HIVEP1: variants seen among roughly 807,000 people sequenced by gnomAD.
HIVEP1 encodes HIVEP zinc finger 1, also known as zinc finger protein 40.
In HIVEP1, 36 loss-of-function variants were observed where a neutral mutation model predicts 180.0. The ratio of observed to expected loss-of-function variants is 0.20; its 90% confidence interval spans 0.15 to 0.26. The LOEUF (loss-of-function observed/expected upper bound fraction) is 0.26, where lower values mean the gene tolerates loss of function less well. HIVEP1 is among the 10% of genes least tolerant of loss of function. The probability of loss-of-function intolerance (pLI) is 1.00; values close to 1 mark genes in which losing one functional copy is unlikely to be tolerated. For missense variants in HIVEP1, 3,143 were observed against 3,268.7 expected (o/e 0.96, Z 0.94); for synonymous variants, 1,239 against 1,239.0 (o/e 1.00, Z 0.00).
At chr6:12,105,690 T>C (rs958991488) in intron 3 of HIVEP1, among the ~76,000 whole-genome samples, 1 of 152,200 alleles carries the variant, frequency 6.6e-6, no homozygotes, top group Non-Finnish European at 1.5e-5. Context: ...CTTTTTAAAA[T>C]GAAAATTACA....
chr6:12,024,939 G>A (rs9470760), intron 2 of HIVEP1, among the ~76,000 whole-genome samples: 3,767 of 152,286 alleles, frequency 0.025, 75 homozygotes, highest in Non-Finnish European at 0.038. Flanking sequence ...GTGGCAAGAG[G>A]GAGGTGGTTT....
chr6:12,138,569 C>T (rs898576257), intron 7 of HIVEP1, among the ~76,000 whole-genome samples: 1 of 152,148 alleles, frequency 6.6e-6, no homozygotes, highest in Admixed American at 6.5e-5. Context: ...GGCTCCTCCT[C>T]ACCTCCCCAG....
chr6:12,109,972 G>A (rs934726700), intron 3 of HIVEP1, among the ~76,000 whole-genome samples: 2 of 152,196 alleles, frequency 1.3e-5, no homozygotes, highest in Non-Finnish European at 2.9e-5. Context: ...GTATTACCAG[G>A]CATGAAAACA....
intron 2 of HIVEP1, among the ~76,000 whole-genome samples, chr6:12,031,660 C>T (rs765497327): frequency 2.0e-5 from 3 of 152,092 alleles, no homozygotes; most frequent in Non-Finnish European, 2.9e-5. Flanking sequence ...GGAACAGCCC[C>T]GGGCAAAAAA....
At chr6:12,144,929 A>G (rs1759277301) in intron 7 of HIVEP1, among the ~76,000 whole-genome samples, 1 of 152,256 alleles carries the variant, frequency 6.6e-6, no homozygotes, top group African/African-American at 2.4e-5. Flanking sequence ...GTGGGAGTGT[A>G]AACTAGTTCA....
In HIVEP1 at chr6:12,161,454, T is replaced by A; in HGVS notation, c.6503T>A (p.Phe2168Tyr). The part of the protein sequence containing the change: ...DTEESDEKQR[F>Y]SYERSGYDLE... ...TTTTTATTAGATGAAAAACAGAGATTCAGTTATGAGCGATCTGGATATGAT... is the reference window on the plus strand; with the variant it reads ...TTTTTATTAGATGAAAAACAGAGATACAGTTATGAGCGATCTGGATATGAT... Residue 2168 changes from phenylalanine (F) to tyrosine (Y), a missense_variant, in exon 8 of 9, where the codon TTC (phenylalanine) becomes TAC (tyrosine). Physicochemically the swap from Phe to Tyr is conservative, Grantham distance 22 (BLOSUM62 3). Around this residue, in one of 12 missense-constraint regions of HIVEP1, gnomAD observed 126 missense variants for 168.5 expected, o/e 0.75. Transcript: ENST00000379388. 6.2e-7 allele frequency: 1 copy of A among 1,610,180 alleles called. No homozygotes were observed. The highest frequency in any genetic ancestry group is 8.5e-7 in the Non-Finnish European group (1 of 1,176,890).
chr6:12,063,932 T>G lies in HIVEP1; in HGVS notation c.41-25252T>G, dbSNP rs991951084. On this transcript the variant is annotated intron_variant, in intron 2 of 8. Transcript: ENST00000379388. The surrounding 1 kb of genome is among the most constrained non-coding windows in gnomAD (Gnocchi z 4.2). ...CCAAGTGACTCCCATATTTAAAACT[T>G]CCATGATTTGCCTTGGTTTGAAGAT... Among the ~76,000 whole-genome samples, 1 of 152,154 alleles carries G rather than the reference T, an allele frequency of 6.6e-6. No individual in the cohort carries two copies. The highest frequency in any genetic ancestry group is 2.4e-5 in the African/African-American group (1 of 41,432).
chr6:12,065,394 G>A (rs569628490), intron 2 of HIVEP1, among the ~76,000 whole-genome samples: 4 of 152,222 alleles, frequency 2.6e-5, no homozygotes, highest in African/African-American at 9.6e-5. Context: ...CTCCCAGTTA[G>A]TGTCAGGAGA....
rs761352312 is a variant in HIVEP1 at position 12,032,314 on chromosome 6, A to AT, written c.40+16655dup. Among the ~76,000 whole-genome samples the AT allele has an allele frequency of 3.1e-4, 46 of 149,486 alleles. No homozygotes were observed. In the South Asian group the frequency reaches 8.1e-3, roughly 26 times the overall value. ...CCACCATGCCCGGCTAATTTTTTGTATTTTTTTTTAGTAGAGACAGGGTTT... is the reference window on the plus strand; with the variant it reads ...CCACCATGCCCGGCTAATTTTTTGTATTTTTTTTTTAGTAGAGACAGGGTTT... On this transcript the variant is annotated intron_variant, in intron 2 of 8. Transcript: ENST00000379388.
At position 12,065,683 on chromosome 6, in the gene HIVEP1, G is replaced by A. The variant is rs1771523056; in HGVS notation, c.41-23501G>A. Among the ~76,000 whole-genome samples the A allele has an allele frequency of 7.4e-5, 5 of 67,676 alleles. No individual in the cohort carries two copies. The South Asian group carries it at 2.8e-3, about 37-fold the overall frequency. 44.4% of individuals were successfully genotyped at this position (67,676 alleles called of 152,430 possible). A position where few individuals can be genotyped will look rare whatever the true frequency, so the allele number is the denominator to read the frequency against. On this transcript the variant is annotated intron_variant, in intron 2 of 8. Transcript: ENST00000379388. The stretch of plus-strand genomic sequence containing the variant: ...CCAGGTAGGTTTTGTGTGTGTGTGT[G>A]TGTGTGTGCGTGTGTGTGTGTGTGT...
At chr6:12,114,868 G>A (rs1211998973) in intron 3 of HIVEP1, among the ~76,000 whole-genome samples, 1 of 152,144 alleles carries the variant, frequency 6.6e-6, no homozygotes, top group East Asian at 1.9e-4. Flanking sequence ...ACTGAAAAAA[G>A]CCTTCTGAAT....
At chr6:12,108,736 G>A (rs1310373339) in intron 3 of HIVEP1, among the ~76,000 whole-genome samples, 4 of 152,176 alleles carry the variant, frequency 2.6e-5, no homozygotes, top group Admixed American at 6.5e-5. Flanking sequence ...GCCTGCAAGC[G>A]CCGCGCGCAC....
intron 3 of HIVEP1, among the ~76,000 whole-genome samples, chr6:12,113,932 ATTTG>A (rs1449520982): frequency 6.6e-6 from 1 of 152,074 alleles, no homozygotes; most frequent in Non-Finnish European, 1.5e-5. Context: ...ATCACACATT[ATTTG>A]TTTAATTTGT....
the HIVEP1 span, among the ~76,000 whole-genome samples, chr6:12,199,131 A>G: frequency 6.6e-6 from 1 of 152,212 alleles, no homozygotes; most frequent in Non-Finnish European, 1.5e-5. Context: ...AACAGTTATT[A>G]AAACCATAAT....
intron 2 of HIVEP1, among the ~76,000 whole-genome samples, chr6:12,086,719 G>T (rs1377368196): frequency 6.6e-6 from 1 of 152,028 alleles, no homozygotes; most frequent in African/African-American, 2.4e-5. Flanking sequence ...TTGAGAAAGG[G>T]GCAGGATTTT....
At chr6:12,116,327 A>G (rs1323204269) in intron 3 of HIVEP1, among the ~76,000 whole-genome samples, 1 of 152,102 alleles carries the variant, frequency 6.6e-6, no homozygotes, top group African/African-American at 2.4e-5. Context: ...GTATTTGTCT[A>G]TAATTCCTAG....
At position 12,120,142 on chromosome 6, in the gene HIVEP1, C is replaced by G; in HGVS notation, c.347C>G (p.Pro116Arg). The change falls in exon 4 of 9, where the codon CCT (proline) becomes CGT (arginine). Residue 116 changes from proline (P) to arginine (R), a missense_variant. By Grantham distance (103) the Pro-to-Arg change is moderately radical. Coordinates refer to ENST00000379388, the MANE Select transcript of HIVEP1 (RefSeq NM_002114.4). ...TTTACCAAACAAAATGGAGAAACAC[C>G]TGGAATAATTGCTGAAGCCTCAAAA... ...KQFTKQNGET[P>R]GIIAEASKSE... The G allele has an allele frequency of 6.2e-7, 1 of 1,613,998 alleles. No individual in the cohort carries two copies. Among genetic ancestry groups the G allele is most frequent in the Non-Finnish European group, 8.5e-7 (1 of 1,179,972 alleles).
At chr6:12,087,229 T>G (rs1353627401) in intron 2 of HIVEP1, among the ~76,000 whole-genome samples, 1 of 152,092 alleles carries the variant, frequency 6.6e-6, no homozygotes, top group Non-Finnish European at 1.5e-5. Flanking sequence ...TATAAACAAG[T>G]TATTTTTGTA....
intron 2 of HIVEP1, among the ~76,000 whole-genome samples, chr6:12,035,223 T>G (rs1013154589): frequency 6.6e-6 from 1 of 152,234 alleles, no homozygotes; most frequent in Non-Finnish European, 1.5e-5. Flanking sequence ...GGAGTGTATC[T>G]GTTCAGGAGT....
Sources: gnomAD v4.1 joint callset for allele counts (sites outside exome capture counted in the v4.1 genomes callset) on GRCh38, gnomAD v4.1.1 for gene constraint, gnomAD v4.1.1 regional missense constraint, Gnocchi (gnomAD v3.1) non-coding constraint, MANE v1.5 for transcripts, NCBI Gene and HGNC (gene_info 2026-07-23, HGNC 2026-07-21) for gene names.